ABR: variants seen among roughly 807,000 people sequenced by gnomAD.
The protein encoded by ABR is ABR activator of RhoGEF and GTPase, also known as active breakpoint cluster region-related protein.
A neutral mutation model predicts 107.2 loss-of-function variants in ABR; 35 were observed. The ratio of observed to expected loss-of-function variants is 0.33; its 90% CI spans 0.25 to 0.43. ABR has a LOEUF of 0.43. ABR is among the 20% of genes least tolerant of loss of function. The pLI, the probability that ABR is intolerant of heterozygous loss-of-function variation, is 1.00. For synonymous variants in ABR, 498 were observed against 462.0 expected, an observed-to-expected ratio of 1.08 and a Z score of -1.00; for missense variants, 815 against 1,115.2, an observed-to-expected ratio of 0.73 and a Z score of 3.83.
chr17:1,135,016 T>A (rs1398378224), intron 1 of ABR, among the ~76,000 whole-genome samples: 1 of 152,228 alleles, frequency 6.6e-6, no homozygotes, highest in Non-Finnish European at 1.5e-5. Context: ...TCAGCTGCTA[T>A]TATTACTGTT....
chr17:1,044,648 C>T (rs2031277368), intron 16 of ABR, among the ~76,000 whole-genome samples: 1 of 92,620 alleles, frequency 1.1e-5, no homozygotes, highest in African/African-American at 3.6e-5. Context: ...AAGACCCCAT[C>T]TCAAAAAAAA....
chr17:1,192,828 C>T (rs1393868630), intron 1 of ABR, among the ~76,000 whole-genome samples: 1 of 152,176 alleles, frequency 6.6e-6, no homozygotes, highest in Non-Finnish European at 1.5e-5. Context: ...GCAGGTGGAT[C>T]ACCTGAGGTT....
chr17:1,102,273 G>T (rs117102654), intron 2 of ABR, among the ~76,000 whole-genome samples: 1 of 152,304 alleles, frequency 6.6e-6, no homozygotes, highest in Non-Finnish European at 1.5e-5. Context: ...TTTCCCTGAG[G>T]CATCGTGGCC....
chr17:1,135,730 G>A (rs1406480707), intron 1 of ABR, among the ~76,000 whole-genome samples: 1 of 152,140 alleles, frequency 6.6e-6, no homozygotes, highest in Non-Finnish European at 1.5e-5. Context: ...ACAAAAATCA[G>A]CTGGGCTTGG....
rs527756044 is a variant in ABR, at chr17:1,011,329, G to A, written c.2102-466C>T. ...CCGTCCTCCACTCCAGGCTCCCCAC[G>A]GATTCATCCCTGCCTGGCCAGTGCA... On this transcript the variant is annotated intron_variant, in intron 19 of 22. Transcript: ENST00000302538. The surrounding 1 kb of genome is among the most constrained non-coding windows in gnomAD (Gnocchi z 4.8). The A allele has an allele frequency of 2.7e-5, 5 of 183,678 alleles. No individual in the cohort carries two copies. The highest frequency in any genetic ancestry group is 5.6e-5 in the Admixed American group (1 of 17,978). The allele number at this position is 183,678 out of a possible 1,614,324, so 11.4% of individuals were successfully genotyped here.
intron 16 of ABR, among the ~76,000 whole-genome samples, chr17:1,017,917 T>C (rs2071288439): frequency 6.6e-6 from 1 of 151,918 alleles, no homozygotes; most frequent in Non-Finnish European, 1.5e-5. Flanking sequence ...TTTATTTTTC[T>C]AGAGACAGGG....
chr17:1,160,896 C>T (rs549413741), intron 1 of ABR, among the ~76,000 whole-genome samples: 14 of 152,364 alleles, frequency 9.2e-5, no homozygotes, highest in Admixed American at 3.3e-4. Context: ...CAAGGTGGGA[C>T]GCCCGTGCGG....
chr17:1,012,635 G>C (rs992852635), intron 18 of ABR, 53 bp downstream of exon 18: 58 of 1,385,350 alleles, frequency 4.2e-5, no homozygotes, highest in Non-Finnish European at 5.7e-5. Flanking sequence ...GCCCGGGCTG[G>C]GGGGGACCCG....
rs771502551 is a variant in ABR, at chr17:1,011,186, G to A, written c.2102-323C>T. On this transcript the variant is annotated intron_variant, in intron 19 of 22. Transcript: ENST00000302538. This position sits in a 1 kb window ranked among gnomAD's most constrained non-coding sequence, Gnocchi z 4.8. Reference sequence around the variant, plus strand: ...TCCTTCCGACTGGAACCTCTCCATCGCTAAGCCCCTCTCTGGAAGGCATTG... The same window carrying A: ...TCCTTCCGACTGGAACCTCTCCATCACTAAGCCCCTCTCTGGAAGGCATTG... 8.5e-6 allele frequency: 3 copies of A among 351,570 alleles called. No individual in the cohort carries two copies. Among genetic ancestry groups the A allele is most frequent in the Admixed American group, 4.2e-5 (1 of 23,608 alleles). 21.8% of individuals were successfully genotyped at this position (351,570 alleles called of 1,614,324 possible).
chr17:1,120,307 C>T (rs12949249), intron 2 of ABR, among the ~76,000 whole-genome samples: 95,758 of 151,504 alleles, frequency 0.63, 30,650 homozygotes, highest in East Asian at 0.87. Context: ...CTCACTCTGT[C>T]CCCCTGGCTG....
intron 2 of ABR, among the ~76,000 whole-genome samples, chr17:1,113,289 T>G (rs1340395749): frequency 1.4e-5 from 2 of 141,146 alleles, no homozygotes; most frequent in African/African-American, 2.6e-5. Context: ...TTTTTTTTTT[T>G]TTTTTTTTTT....
intron 1 of ABR, among the ~76,000 whole-genome samples, chr17:1,142,374 C>T (rs893865426): frequency 1.3e-5 from 2 of 151,930 alleles, no homozygotes; most frequent in Non-Finnish European, 1.5e-5. Flanking sequence ...CACCTGAAGT[C>T]GAGAGTTCGA....
At chr17:1,127,209 A>G (rs2039640508) in intron 1 of ABR, among the ~76,000 whole-genome samples, 1 of 152,258 alleles carries the variant, frequency 6.6e-6, no homozygotes, top group South Asian at 2.1e-4. Flanking sequence ...AGGGTTGTGT[A>G]TGAAGAACCA....
chr17:1,153,957 AGG>A, intron 1 of ABR: 1 of 165,312 alleles, frequency 6.0e-6, no homozygotes, highest in Non-Finnish European at 1.3e-5. Flanking sequence ...CCAGCCTGCC[AGG>A]CGGGGCTGAT....
intron 10 of ABR, among the ~76,000 whole-genome samples, chr17:1,066,265 G>A (rs2034729911): frequency 6.6e-6 from 1 of 152,164 alleles, no homozygotes. Context: ...GAAAAATTTT[G>A]AGATTTCCTT....
intron 16 of ABR, among the ~76,000 whole-genome samples, chr17:1,041,940 G>A (rs951717239): frequency 2.0e-5 from 3 of 152,104 alleles, no homozygotes; most frequent in Non-Finnish European, 4.4e-5. Context: ...AGAGAAGGCC[G>A]AGGCAGGGGG....
At chr17:1,217,938 G>A (rs185899688) in intron 1 of ABR, among the ~76,000 whole-genome samples, 7 of 152,134 alleles carry the variant, frequency 4.6e-5, no homozygotes, top group South Asian at 2.1e-4. Flanking sequence ...CAGGTGATCC[G>A]CCCGCCTCGG....
At chr17:1,113,110 GCCTAC>G (rs1463711106) in intron 2 of ABR, among the ~76,000 whole-genome samples, 3 of 151,638 alleles carry the variant, frequency 2.0e-5, no homozygotes, top group Admixed American at 6.6e-5. Context: ...GGAACCCCGT[GCCTAC>G]CCTCGCGGAG....
At chr17:1,224,770 G>A (rs1369867664) in intron 1 of ABR, among the ~76,000 whole-genome samples, 1 of 152,130 alleles carries the variant, frequency 6.6e-6, no homozygotes, top group Non-Finnish European at 1.5e-5. Context: ...GACCTCCTGG[G>A]TTCAAGTGAT....
Sources: allele counts gnomAD v4.1 joint callset (sites outside exome capture counted in the v4.1 genomes callset), GRCh38; gene constraint gnomAD v4.1.1; non-coding constraint Gnocchi (gnomAD v3.1); transcripts MANE v1.5; gene names NCBI Gene and HGNC (gene_info 2026-07-23, HGNC 2026-07-21).